ELK3: variants seen among roughly 807,000 people sequenced by gnomAD.
ELK3 encodes ETS domain-containing protein Elk-3.
ELK3 carries 10 observed loss-of-function variants against 28.9 expected under a neutral mutation model. The ratio of observed to expected loss-of-function variants is 0.35; its 90% CI spans 0.21 to 0.59. The LOEUF (loss-of-function observed/expected upper bound fraction) is 0.59, where lower values mean the gene tolerates loss of function less well. ELK3 is among the 20% of genes least tolerant of loss of function. The pLI is 0.82. For missense variants in ELK3, 463 were observed against 517.3 expected (o/e 0.90, Z 1.02); for synonymous variants, 272 against 243.5 (o/e 1.12, Z -1.09).
chr12:96,252,067 G>C (rs1467275679), intron 3 of ELK3, among the ~76,000 whole-genome samples: 1 of 152,238 alleles, frequency 6.6e-6, no homozygotes, highest in Non-Finnish European at 1.5e-5. Flanking sequence ...AGTCTTGTTA[G>C]TACAGCTTGT....
At chr12:96,264,707 C>T (rs933743064) in intron 4 of ELK3, among the ~76,000 whole-genome samples, 1 of 152,150 alleles carries the variant, frequency 6.6e-6, no homozygotes, top group African/African-American at 2.4e-5. Context: ...ACTGCTTGAG[C>T]CCTGGAGGTT....
chr12:96,266,557 ATAATC>A (rs139127091), intron 4 of ELK3, among the ~76,000 whole-genome samples: 2,017 of 152,306 alleles, frequency 0.013, 26 homozygotes, highest in Non-Finnish European at 0.019. Flanking sequence ...TAGCTCCAAA[ATAATC>A]TATTCTAAAT....
chr12:96,247,467 C>A lies in ELK3; in HGVS notation c.735C>A (p.Ser245=), dbSNP rs1951866578. The change falls in exon 3 of 5, where the codon TCC becomes TCA. Residue 245 remains serine, a synonymous_variant. Coordinates refer to ENST00000228741, the MANE Select transcript of ELK3 (RefSeq NM_005230.4). The surrounding 1 kb of genome is among the most constrained non-coding windows in gnomAD (Gnocchi z 5.5). ...SASPFSSRSP[S]LSPNSPLPSE... is the part of the protein sequence containing the mutation. ...CACCCTTCTCATCTCGGTCCCCGTC[C>A]CTGTCCCCCAACTCACCCCTCCCTT... The A allele has an allele frequency of 1.2e-6, 2 of 1,614,042 alleles. No homozygotes were observed. The highest frequency in any genetic ancestry group is 2.7e-5 in the African/African-American group (2 of 74,928).
At chr12:96,242,721 G>A (rs773466909) in intron 2 of ELK3, among the ~76,000 whole-genome samples, 17 of 152,138 alleles carry the variant, frequency 1.1e-4, no homozygotes, top group East Asian at 5.8e-4. Context: ...AGATGTCCCC[G>A]GTGCTGAGTC....
At chr12:96,243,949 T>C (rs1951838910) in intron 2 of ELK3, among the ~76,000 whole-genome samples, 1 of 143,114 alleles carries the variant, frequency 7.0e-6, no homozygotes, top group African/African-American at 2.6e-5. Context: ...GAGGTTGCAG[T>C]GAGCCGAGAT....
At chr12:96,199,875 G>A (rs1317296535) in intron 1 of ELK3, among the ~76,000 whole-genome samples, 1 of 151,976 alleles carries the variant, frequency 6.6e-6, no homozygotes, top group African/African-American at 2.4e-5. Context: ...TGTTATATTA[G>A]TGTATTCTAA....
At chr12:96,266,366 T>C (rs887014664) in intron 4 of ELK3, among the ~76,000 whole-genome samples, 1 of 152,150 alleles carries the variant, frequency 6.6e-6, no homozygotes, top group African/African-American at 2.4e-5. Context: ...AGTAGTCACA[T>C]ATTAAAAGGC....
intron 4 of ELK3, among the ~76,000 whole-genome samples, chr12:96,265,803 T>C (rs565293654): frequency 1.3e-5 from 2 of 152,364 alleles, no homozygotes; most frequent in South Asian, 4.1e-4. Flanking sequence ...TATATGTGCA[T>C]AGATTTGATA....
chr12:96,224,532 AC>A (rs1304345485), intron 2 of ELK3, among the ~76,000 whole-genome samples: 5 of 152,246 alleles, frequency 3.3e-5, no homozygotes, highest in Non-Finnish European at 5.9e-5. Context: ...GGAAGAAAAA[AC>A]ATGTTCATTT....
rs1365355899 is a variant in ELK3, at chr12:96,267,824, A to C, written c.*644A>C. 2 of 85,512 alleles carry C rather than the reference A, an allele frequency of 2.3e-5. No homozygotes were observed. The highest frequency in any genetic ancestry group is 1.0e-4 in the African/African-American group (2 of 19,690). The allele number at this position is 85,512 out of a possible 1,614,324, so 5.3% of individuals were successfully genotyped here. A position where few individuals can be genotyped will look rare whatever the true frequency, so the allele number is the denominator to read the frequency against. On this transcript the variant is annotated 3_prime_UTR_variant, in exon 5 of 5. Coordinates refer to ENST00000228741, the MANE Select transcript of ELK3 (RefSeq NM_005230.4). The stretch of plus-strand genomic sequence containing the variant: ...TAAACTAAGCCATATTTAGACAATA[A>C]ACATTGATAAAAGAAAATGTTCTAA...
intron 1 of ELK3, among the ~76,000 whole-genome samples, chr12:96,215,445 G>A (rs897854460): frequency 6.6e-6 from 1 of 152,118 alleles, no homozygotes; most frequent in South Asian, 2.1e-4. Flanking sequence ...AGGCAGCTGG[G>A]ACACCTGAAG....
At chr12:96,201,498 A>C (rs1001628352) in intron 1 of ELK3, among the ~76,000 whole-genome samples, 3 of 150,004 alleles carry the variant, frequency 2.0e-5, no homozygotes, top group African/African-American at 7.4e-5. Context: ...CAGTAGTCCC[A>C]GCTACCCGGG....
chr12:96,242,798 C>T (rs945950779), intron 2 of ELK3, among the ~76,000 whole-genome samples: 1 of 152,236 alleles, frequency 6.6e-6, no homozygotes, highest in Non-Finnish European at 1.5e-5. Flanking sequence ...CAGTTCCACT[C>T]TTTAGCCTTC....
chr12:96,236,767 T>C (rs922368539), intron 2 of ELK3, among the ~76,000 whole-genome samples: 11 of 152,202 alleles, frequency 7.2e-5, no homozygotes, highest in Non-Finnish European at 1.3e-4. Flanking sequence ...GGTGTATTAG[T>C]TTCCCAGGGC....
intron 2 of ELK3, among the ~76,000 whole-genome samples, chr12:96,236,915 C>G (rs1025042165): frequency 1.3e-5 from 2 of 152,178 alleles, no homozygotes; most frequent in Non-Finnish European, 2.9e-5. Flanking sequence ...AAAAATCCCC[C>G]CTTCCTCTTC....
rs958732722 is a variant in ELK3, at chr12:96,225,680, C to T, written c.207+1907C>T. On this transcript the variant is annotated intron_variant, in intron 2 of 4. Coordinates refer to ENST00000228741, the MANE Select transcript of ELK3 (RefSeq NM_005230.4). ...CACACAGCCAGTGAGCAGCAGAGCC[C>T]GGATTTGAACCCAGCTGGTCCACCC... is the stretch of plus-strand genomic sequence containing the variant. Among the ~76,000 whole-genome samples the T allele has an allele frequency of 3.9e-5, 6 of 152,266 alleles. No homozygotes were observed. In the South Asian group the frequency reaches 8.3e-4, roughly 21 times the overall value.
At chr12:96,262,570 G>A (rs1471046309) in intron 4 of ELK3, among the ~76,000 whole-genome samples, 2 of 151,958 alleles carry the variant, frequency 1.3e-5, no homozygotes, top group African/African-American at 4.8e-5. Context: ...TATGGCCTTG[G>A]GCTCTCTTTT....
chr12:96,216,389 C>T (rs1951618903), intron 1 of ELK3, among the ~76,000 whole-genome samples: 1 of 152,202 alleles, frequency 6.6e-6, no homozygotes, highest in Non-Finnish European at 1.5e-5. Flanking sequence ...AGAATCAGTG[C>T]CCTAGCATCT....
intron 2 of ELK3, among the ~76,000 whole-genome samples, chr12:96,227,126 C>T (rs1831700003): frequency 6.6e-6 from 1 of 152,030 alleles, no homozygotes; most frequent in Admixed American, 6.6e-5. Flanking sequence ...GATGCAAAGC[C>T]ACCTGGGCCA....
Sources: allele counts gnomAD v4.1 joint callset (sites outside exome capture counted in the v4.1 genomes callset), GRCh38; gene constraint gnomAD v4.1.1; non-coding constraint Gnocchi (gnomAD v3.1); transcripts MANE v1.5; gene names NCBI Gene and HGNC (gene_info 2026-07-23, HGNC 2026-07-21).